The following FUT8 variants were observed in gnomAD, a reference collection of about 807,000 sequenced individuals.
FUT8 encodes the protein alpha-(1,6)-fucosyltransferase.
A neutral mutation model predicts 71.3 loss-of-function variants in FUT8; 29 were observed. The observed-to-expected ratio is 0.41, with a 90% CI of 0.30 to 0.55. The LOEUF (loss-of-function observed/expected upper bound fraction) is 0.55, where lower values mean the gene tolerates loss of function less well. Ranked by LOEUF, FUT8 falls within the 20% of genes least tolerant of loss-of-function variation. The pLI, the probability that FUT8 is intolerant of heterozygous loss-of-function variation, is 0.34. For missense variants in FUT8, 544 were observed against 702.1 expected, an observed-to-expected ratio of 0.77 and a Z score of 2.55; for synonymous variants, 254 against 239.3, an observed-to-expected ratio of 1.06 and a Z score of -0.57.
chr14:65,674,935 G>A (rs1224110768), intron 7 of FUT8, among the ~76,000 whole-genome samples: 1 of 152,082 alleles, frequency 6.6e-6, no homozygotes, highest in East Asian at 1.9e-4. Flanking sequence ...ACCTAAACAA[G>A]TATCATTGCA....
intron 2 of FUT8, among the ~76,000 whole-genome samples, chr14:65,501,413 A>C (rs996991591): frequency 5.9e-5 from 9 of 152,192 alleles, no homozygotes; most frequent in African/African-American, 2.2e-4. Context: ...ATTGGGGTTC[A>C]AAACCTCTGG....
chr14:65,591,841 T>C (rs77996911), intron 3 of FUT8, among the ~76,000 whole-genome samples: 1 of 130,758 alleles, frequency 7.6e-6, no homozygotes, highest in Non-Finnish European at 1.6e-5. Context: ...TGAAGCAGGC[T>C]TTTTTTTTTT....
At chr14:65,493,293 A>G (rs2066510176) in intron 2 of FUT8, among the ~76,000 whole-genome samples, 1 of 152,154 alleles carries the variant, frequency 6.6e-6, no homozygotes, top group Non-Finnish European at 1.5e-5. Context: ...TCTTTCTATC[A>G]TGTAATGCAG....
At chr14:65,736,128 C>A (rs1339167281) in intron 10 of FUT8, among the ~76,000 whole-genome samples, 1 of 152,008 alleles carries the variant, frequency 6.6e-6, no homozygotes, top group Non-Finnish European at 1.5e-5. Flanking sequence ...TAGCCTATTT[C>A]TTAACTGGTT....
At chr14:65,527,622 G>A (rs375801780) in intron 2 of FUT8, among the ~76,000 whole-genome samples, 117 of 152,144 alleles carry the variant, frequency 7.7e-4, no homozygotes, top group African/African-American at 2.4e-3. Context: ...GGGGAGAGGC[G>A]CTCTGATTTT....
At chr14:65,559,646 T>A (rs1387066718) in intron 2 of FUT8, among the ~76,000 whole-genome samples, 1 of 152,170 alleles carries the variant, frequency 6.6e-6, no homozygotes, top group African/African-American at 2.4e-5. Context: ...ATATTAATAC[T>A]TATATTTTTT....
At chr14:65,452,598 A>G (rs2065844229) in intron 1 of FUT8, among the ~76,000 whole-genome samples, 1 of 152,254 alleles carries the variant, frequency 6.6e-6, no homozygotes, top group African/African-American at 2.4e-5. Context: ...AGAAAGCTGC[A>G]AGAGACAGAA....
chr14:65,654,591 C>CAAAA (rs35652243), intron 6 of FUT8, among the ~76,000 whole-genome samples: 1 of 144,020 alleles, frequency 6.9e-6, no homozygotes. Flanking sequence ...ATTCTGTCTC[C>CAAAA]AAAAAAAAAA....
chr14:65,724,115 C>A (rs775464562), intron 8 of FUT8, 32 bp from the exon 9 acceptor site: 2 of 1,519,868 alleles, frequency 1.3e-6, no homozygotes, highest in Non-Finnish European at 1.8e-6. Context: ...AGTGTCAGTA[C>A]ATTACCAGTA....
Position 65,413,609 on chromosome 14 carries a change from C to T in FUT8, c.-326+395C>T, listed in dbSNP as rs572031333. ...ACCTACCTTCCCTTCGTCAGCAGCT[C>T]GGTCCCTGGAGTCGCGGTTTGTGGG... On this transcript the variant is annotated intron_variant, in intron 1 of 10. Coordinates refer to ENST00000673929, the MANE Select transcript of FUT8 (RefSeq NM_001371533.1). This position sits in a 1 kb window ranked among gnomAD's most constrained non-coding sequence, Gnocchi z 4.1. Among the ~76,000 whole-genome samples the T allele has an allele frequency of 2.6e-5, 4 of 152,252 alleles. No homozygotes were observed. In the East Asian group the frequency reaches 5.8e-4, roughly 22 times the overall value.
intron 3 of FUT8, among the ~76,000 whole-genome samples, chr14:65,600,481 TA>T (rs1369326339): frequency 6.6e-6 from 1 of 152,092 alleles, no homozygotes; most frequent in East Asian, 1.9e-4. Flanking sequence ...GAGTGACAAA[TA>T]AGCGCTTACA....
chr14:65,463,707 T>A (rs113422907), intron 2 of FUT8, among the ~76,000 whole-genome samples: 14 of 152,344 alleles, frequency 9.2e-5, no homozygotes, highest in African/African-American at 3.4e-4. Context: ...TGGCTGATCA[T>A]CCAAGCTTGG....
chr14:65,516,490 G>C (rs1882717014), intron 2 of FUT8: 1 of 151,946 alleles, frequency 6.6e-6, no homozygotes, highest in Non-Finnish European at 1.5e-5. Flanking sequence ...TAGAGTAAAT[G>C]GATTAAAGAT....
At chr14:65,604,180 A>G (rs1888450011) in intron 3 of FUT8, among the ~76,000 whole-genome samples, 3 of 151,910 alleles carry the variant, frequency 2.0e-5, no homozygotes, top group African/African-American at 7.2e-5. Context: ...CACTGACAGC[A>G]CTAGACAGGT....
chr14:65,419,021 G>A (rs1035103602), intron 1 of FUT8, among the ~76,000 whole-genome samples: 1 of 152,292 alleles, frequency 6.6e-6, no homozygotes, highest in Non-Finnish European at 1.5e-5. Flanking sequence ...CTGAGGTCAG[G>A]AGTTGGAGAC....
At chr14:65,554,588 A>T (rs79110359) in intron 2 of FUT8, among the ~76,000 whole-genome samples, 77 of 152,080 alleles carry the variant, frequency 5.1e-4, no homozygotes, top group African/African-American at 1.8e-3. Context: ...GTATATGTGG[A>T]TTGGGATGGG....
the FUT8 span, among the ~76,000 whole-genome samples, chr14:65,399,040 C>T: frequency 1.2e-4 from 18 of 152,182 alleles, no homozygotes; most frequent in South Asian, 2.1e-3. Context: ...TTTTTTGAGC[C>T]GGGAACGGTG....
intron 8 of FUT8, among the ~76,000 whole-genome samples, chr14:65,722,628 T>C (rs1895474550): frequency 6.6e-6 from 1 of 152,232 alleles, no homozygotes; most frequent in South Asian, 2.1e-4. Context: ...TGAAATTCAA[T>C]GGAATCATTC....
At chr14:65,699,145 T>TACACACACACACACACACAC (rs60092488) in intron 7 of FUT8, among the ~76,000 whole-genome samples, 2 of 132,052 alleles carry the variant, frequency 1.5e-5, no homozygotes, top group African/African-American at 5.9e-5. Context: ...CCCTCCCTTC[T>TACACACACACACACACACAC]ACACACACAC....
Sources: allele counts gnomAD v4.1 joint callset (sites outside exome capture counted in the v4.1 genomes callset), GRCh38; gene constraint gnomAD v4.1.1; non-coding constraint Gnocchi (gnomAD v3.1); transcripts MANE v1.5; gene names NCBI Gene and HGNC (gene_info 2026-07-23, HGNC 2026-07-21).